KDM4B: variants seen among roughly 807,000 people sequenced by gnomAD.
The protein encoded by KDM4B is lysine demethylase 4B.
A neutral mutation model predicts 125.2 loss-of-function variants in KDM4B; 32 were observed. The ratio of observed to expected loss-of-function variants is 0.26; its 90% CI spans 0.19 to 0.34. The LOEUF (loss-of-function observed/expected upper bound fraction) is 0.34. KDM4B is among the 10% of genes least tolerant of loss of function. The pLI, the probability that KDM4B is intolerant of heterozygous loss-of-function variation, is 1.00. For missense variants in KDM4B, 1,190 were observed against 1,577.7 expected, an observed-to-expected ratio of 0.75 and a Z score of 4.16; for synonymous variants, 721 against 677.9, an observed-to-expected ratio of 1.06 and a Z score of -0.99.
At chr19:4,987,581 G>A (rs1230179028) in intron 1 of KDM4B, among the ~76,000 whole-genome samples, 1 of 152,186 alleles carries the variant, frequency 6.6e-6, no homozygotes, top group Non-Finnish European at 1.5e-5. Context: ...GCTGATCTTA[G>A]CTGTTAGGCT....
At chr19:5,080,743 A>C (rs959361550) in intron 8 of KDM4B, 1 of 152,284 alleles carries the variant, frequency 6.6e-6, no homozygotes, top group South Asian at 2.1e-4. Context: ...AGATTGGTAC[A>C]TAAGTGTTCT....
intron 1 of KDM4B, among the ~76,000 whole-genome samples, chr19:4,979,501 G>A (rs577759425): frequency 3.8e-4 from 58 of 152,226 alleles, no homozygotes; most frequent in Non-Finnish European, 1.8e-4. Flanking sequence ...CACCTGGCAT[G>A]CTGGAGGCAG....
intron 1 of KDM4B, among the ~76,000 whole-genome samples, chr19:4,976,469 G>A (rs757195869): frequency 6.6e-6 from 1 of 152,194 alleles, no homozygotes; most frequent in Non-Finnish European, 1.5e-5. Flanking sequence ...AGCTCACCAA[G>A]CGTCAGAAGC....
At chr19:5,070,848 G>A (rs1018088662) in intron 6 of KDM4B, 162 bp from the exon 7 acceptor site, 29 of 595,652 alleles carry the variant, frequency 4.9e-5, no homozygotes, top group East Asian at 3.4e-4. Flanking sequence ...CGTCCTGAAA[G>A]CCCCCACCCC....
Position 5,033,541 on chromosome 19 carries a change from C to T in KDM4B, c.141+510C>T, listed in dbSNP as rs111511824. Reference sequence around the variant, plus strand: ...GCTGCAATGAGCTATGACCGTGCTACTGCGCTCCTGCCCCGGCAGCAGAGC... The same window carrying T: ...GCTGCAATGAGCTATGACCGTGCTATTGCGCTCCTGCCCCGGCAGCAGAGC... On this transcript the variant is annotated intron_variant, in intron 3 of 22. Transcript: ENST00000159111. Among the ~76,000 whole-genome samples the T allele has an allele frequency of 1.6e-3, 249 of 152,140 alleles. 4 individuals carry two copies. The highest frequency in any genetic ancestry group is 5.8e-3 in the African/African-American group (241 of 41,516).
Position 5,142,601 on chromosome 19 carries a change from C to T in KDM4B, c.2551-1366C>T, listed in dbSNP as rs1258330613. 6.6e-6 allele frequency among the ~76,000 whole-genome samples: 1 copy of T among 152,052 alleles called. No homozygotes were observed. The highest frequency in any genetic ancestry group is 1.5e-5 in the Non-Finnish European group (1 of 67,982). ...GGTGGAGGCCTGTGGGTGACGTGTT[C>T]AAGACGGCTCAGCAACCCCACCTGA... is the stretch of plus-strand genomic sequence containing the variant. On this transcript the variant is annotated intron_variant, in intron 18 of 22. Coordinates refer to ENST00000159111, the MANE Select transcript of KDM4B (RefSeq NM_015015.3). The surrounding 1 kb of genome is among the most constrained non-coding windows in gnomAD (Gnocchi z 5.4).
chr19:5,049,760 C>T (rs2145718550), intron 6 of KDM4B, among the ~76,000 whole-genome samples: 1 of 152,198 alleles, frequency 6.6e-6, no homozygotes, highest in South Asian at 2.1e-4. Flanking sequence ...TCCTCCCCAG[C>T]AGATGGTAGG....
At chr19:5,070,860 G>A (rs570122256) in intron 6 of KDM4B, 150 bp from the exon 7 acceptor site, 5 of 630,786 alleles carry the variant, frequency 7.9e-6, no homozygotes, top group South Asian at 7.5e-5. Context: ...CCCCACCCCC[G>A]GCCATCCCCT....
At chr19:5,019,862 CGGTGTGGGTGTGCA>C (rs2036041521) in intron 2 of KDM4B, among the ~76,000 whole-genome samples, 1 of 65,934 alleles carries the variant, frequency 1.5e-5, no homozygotes, top group Admixed American at 1.7e-4. Flanking sequence ...GTGCAGGTGT[CGGTGTGGGTGTGCA>C]GGTGTTGGTG....
chr19:5,003,961 G>A (rs1172852054), intron 1 of KDM4B, among the ~76,000 whole-genome samples: 3 of 152,176 alleles, frequency 2.0e-5, no homozygotes, highest in South Asian at 2.1e-4. Flanking sequence ...ATGCTCAGCC[G>A]CTTGAGAATG....
intron 18 of KDM4B, chr19:5,138,403 G>T: frequency 3.2e-6 from 1 of 313,972 alleles, no homozygotes. Flanking sequence ...CACCGCACGT[G>T]CCCCGACACA....
At chr19:5,130,294 C>T (rs1215822252) in intron 11 of KDM4B, among the ~76,000 whole-genome samples, 3 of 152,130 alleles carry the variant, frequency 2.0e-5, no homozygotes, top group African/African-American at 4.8e-5. Context: ...AGTTGGGACC[C>T]GCACGCTTCT....
intron 10 of KDM4B, among the ~76,000 whole-genome samples, chr19:5,117,609 G>T (rs2039282259): frequency 1.3e-5 from 2 of 152,166 alleles, no homozygotes; most frequent in Non-Finnish European, 2.9e-5. Flanking sequence ...CCCAGCATTT[G>T]CCTAGCCCCC....
chr19:5,023,676 C>T (rs918489685), intron 2 of KDM4B, among the ~76,000 whole-genome samples: 5 of 151,398 alleles, frequency 3.3e-5, no homozygotes, highest in African/African-American at 4.9e-5. Context: ...GACAAGAGGA[C>T]GAGGGCTCGA....
intron 5 of KDM4B, among the ~76,000 whole-genome samples, chr19:5,043,814 C>T (rs1356762338): frequency 8.3e-6 from 1 of 120,822 alleles, no homozygotes; most frequent in African/African-American, 3.4e-5. Flanking sequence ...TGGTGTTTAT[C>T]AGAGTGGGGT....
intron 2 of KDM4B, among the ~76,000 whole-genome samples, chr19:5,023,890 G>A (rs2036200868): frequency 6.8e-6 from 1 of 146,540 alleles, no homozygotes; most frequent in Admixed American, 7.1e-5. Flanking sequence ...CAGCCTCTAA[G>A]TAGCTGGGTG....
chr19:4,987,250 A>G (rs1443858919), intron 1 of KDM4B, among the ~76,000 whole-genome samples: 2 of 152,224 alleles, frequency 1.3e-5, no homozygotes, highest in Admixed American at 6.5e-5. Flanking sequence ...GAAACACAAA[A>G]TGCAGCTGGC....
At chr19:5,096,610 G>A (rs1310933546) in intron 9 of KDM4B, among the ~76,000 whole-genome samples, 2 of 150,324 alleles carry the variant, frequency 1.3e-5, no homozygotes, top group East Asian at 1.9e-4. Context: ...TGTTGCCGCG[G>A]TGCCCCCGGC....
intron 1 of KDM4B, among the ~76,000 whole-genome samples, chr19:5,005,506 G>T (rs1335499694): frequency 6.6e-6 from 1 of 152,126 alleles, no homozygotes; most frequent in Non-Finnish European, 1.5e-5. Flanking sequence ...AACATGGGGA[G>T]CCCCCTTTAC....
Sources: allele counts gnomAD v4.1 joint callset (sites outside exome capture counted in the v4.1 genomes callset), GRCh38; gene constraint gnomAD v4.1.1; non-coding constraint Gnocchi (gnomAD v3.1); transcripts MANE v1.5; gene names NCBI Gene and HGNC (gene_info 2026-07-23, HGNC 2026-07-21).